Variants in THRB observed in about 807,000 individuals in gnomAD.
THRB encodes the protein thyroid hormone receptor beta.
THRB carries 12 observed loss-of-function variants against 47.8 expected under a neutral mutation model. The observed-to-expected ratio is 0.25, with a 90% CI of 0.16 to 0.41. The LOEUF is 0.41. Among genes scored for constraint, THRB ranks in the 10% least tolerant of loss-of-function variants. The pLI, the probability that THRB is intolerant of heterozygous loss-of-function variation, is 1.00. For synonymous variants in THRB, 218 were observed against 212.2 expected (o/e 1.03, Z -0.24); for missense variants, 348 against 589.2 (o/e 0.59, Z 4.24).
At chr3:24,463,451 G>A (rs530023334) in intron 1 of THRB, among the ~76,000 whole-genome samples, 2 of 152,104 alleles carry the variant, frequency 1.3e-5, no homozygotes, top group South Asian at 2.1e-4. Flanking sequence ...CTATTATTTT[G>A]TAGAGACAGG....
rs1424585810 is a variant in THRB, at chr3:24,119,299, G to C, written c.*3585C>G. The C allele has an allele frequency of 6.6e-6, 1 of 152,208 alleles. No homozygotes were observed. Among genetic ancestry groups the C allele is most frequent in the Non-Finnish European group, 1.5e-5 (1 of 68,040 alleles). 9.4% of individuals were successfully genotyped at this position (152,208 alleles called of 1,614,324 possible). Reference sequence around the variant, plus strand: ...AAATGTCGATCATCACTCTCCATTTGAGGAGGAACTGTGGCTTGGTTATTC... The same window carrying C: ...AAATGTCGATCATCACTCTCCATTTCAGGAGGAACTGTGGCTTGGTTATTC... On this transcript the variant is annotated 3_prime_UTR_variant, in exon 11 of 11. Transcript: ENST00000646209.
intron 3 of THRB, among the ~76,000 whole-genome samples, chr3:24,258,316 C>T (rs1348536214): frequency 6.6e-6 from 1 of 152,052 alleles, no homozygotes; most frequent in Non-Finnish European, 1.5e-5. Context: ...TTGATTCACT[C>T]CCCTGGGCAG....
intron 3 of THRB, 143 bp from the exon 4 acceptor site, chr3:24,229,144 A>G: frequency 1.6e-6 from 1 of 610,938 alleles, no homozygotes. Flanking sequence ...ACCGAAGCAT[A>G]GGTGGGCTAT....
chr3:24,195,899 T>C (rs2043898398), intron 4 of THRB, among the ~76,000 whole-genome samples: 1 of 152,232 alleles, frequency 6.6e-6, no homozygotes, highest in African/African-American at 2.4e-5. Flanking sequence ...CTCTCTATCA[T>C]CTTACTTTAG....
At chr3:24,325,893 AAAC>A (rs1030519032) in intron 2 of THRB, among the ~76,000 whole-genome samples, 7 of 152,218 alleles carry the variant, frequency 4.6e-5, no homozygotes, top group African/African-American at 1.7e-4. Context: ...TCAATAATGA[AAAC>A]AACAACAAGA....
intron 7 of THRB, 120 bp from the exon 8 acceptor site, chr3:24,143,826 C>G (rs1388017751): frequency 1.0e-6 from 1 of 979,520 alleles, no homozygotes; most frequent in African/African-American, 1.6e-5. Context: ...CTGGGTCCTT[C>G]GGGGTGGGTC....
At chr3:24,233,489 A>G (rs1435695594) in intron 3 of THRB, among the ~76,000 whole-genome samples, 6 of 86,272 alleles carry the variant, frequency 7.0e-5, no homozygotes, top group Non-Finnish European at 1.5e-4. Context: ...AAGAAAAGAA[A>G]AAAAGAAAGG....
At chr3:24,286,009 T>A (rs1312607803) in intron 3 of THRB, among the ~76,000 whole-genome samples, 1 of 152,180 alleles carries the variant, frequency 6.6e-6, no homozygotes, top group Non-Finnish European at 1.5e-5. Flanking sequence ...AGTGCCCTTA[T>A]GTGAAGATGA....
At chr3:24,177,401 G>A (rs1263392267) in intron 5 of THRB, among the ~76,000 whole-genome samples, 2 of 152,136 alleles carry the variant, frequency 1.3e-5, no homozygotes, top group East Asian at 1.9e-4. Context: ...AAAAAGGGGT[G>A]TGCATTTAAC....
chr3:24,150,488 A>G (rs1047296749), intron 6 of THRB, among the ~76,000 whole-genome samples: 10 of 152,156 alleles, frequency 6.6e-5, no homozygotes, highest in African/African-American at 2.4e-4. Context: ...TCTGAAAAAA[A>G]ATCTAGATTT....
At chr3:24,154,545 C>G (rs1188518114) in intron 5 of THRB, among the ~76,000 whole-genome samples, 3 of 152,162 alleles carry the variant, frequency 2.0e-5, no homozygotes, top group African/African-American at 7.2e-5. Context: ...AAATGCAAAT[C>G]AAAACCACAA....
chr3:24,125,980 C>G (rs1395470601), intron 10 of THRB, among the ~76,000 whole-genome samples: 2 of 152,068 alleles, frequency 1.3e-5, no homozygotes, highest in Non-Finnish European at 2.9e-5. Flanking sequence ...GTTCATTATG[C>G]TATTCTATCT....
rs77623114 is a variant in THRB, at chr3:24,440,018, C to A, written c.-261+54634G>T. Among the ~76,000 whole-genome samples, 721 of 152,324 alleles carry A rather than the reference C, an allele frequency of 4.7e-3. 28 individuals are homozygous for A. The highest frequency in any genetic ancestry group is 0.038 in the Admixed American group (585 of 15,300). ...TTCAATTAATGCAGTCTAAAATTAACTTCATGATTTAAATAAACTCTACTA... is the reference window on the plus strand; with the variant it reads ...TTCAATTAATGCAGTCTAAAATTAAATTCATGATTTAAATAAACTCTACTA... On this transcript the variant is annotated intron_variant, in intron 1 of 10. Transcript: ENST00000646209.
chr3:24,421,692 C>T (rs2069280325), intron 1 of THRB, among the ~76,000 whole-genome samples: 1 of 152,008 alleles, frequency 6.6e-6, no homozygotes, highest in East Asian at 1.9e-4. Flanking sequence ...TATTTTAATG[C>T]ATGGACACTT....
chr3:24,450,458 C>T (rs1490806888), intron 1 of THRB, among the ~76,000 whole-genome samples: 1 of 152,188 alleles, frequency 6.6e-6, no homozygotes, highest in Admixed American at 6.5e-5. Context: ...CATTTTATCT[C>T]CATTTGTGCA....
chr3:24,269,277 CCACACA>C (rs4024153), intron 3 of THRB, among the ~76,000 whole-genome samples: 33,444 of 140,172 alleles, frequency 0.24, 3,918 homozygotes, highest in East Asian at 0.33. Context: ...AATGGATACA[CCACACA>C]CACACACACA....
intron 1 of THRB, among the ~76,000 whole-genome samples, chr3:24,339,766 C>T (rs2149446319): frequency 6.6e-6 from 1 of 152,276 alleles, no homozygotes; most frequent in South Asian, 2.1e-4. Context: ...TTCAGTTCTT[C>T]TCTTTAGGAA....
chr3:24,279,541 C>T (rs1402778498), intron 3 of THRB, among the ~76,000 whole-genome samples: 4 of 147,182 alleles, frequency 2.7e-5, no homozygotes, highest in South Asian at 4.5e-4. Flanking sequence ...CCCGCCACCA[C>T]GGCTGGCTAA....
chr3:24,155,139 G>C (rs916878077), intron 5 of THRB, among the ~76,000 whole-genome samples: 10 of 152,166 alleles, frequency 6.6e-5, no homozygotes, highest in African/African-American at 2.4e-4. Flanking sequence ...AATTTATGTA[G>C]ATGGTGTTTA....
Sources: allele counts gnomAD v4.1 joint callset (sites outside exome capture counted in the v4.1 genomes callset), GRCh38; gene constraint gnomAD v4.1.1; transcripts MANE v1.5; gene names NCBI Gene and HGNC (gene_info 2026-07-23, HGNC 2026-07-21).